Variants in ASIC2 observed in about 807,000 individuals in gnomAD.
The protein encoded by ASIC2 is acid sensing ion channel subunit 2.
ASIC2 carries 25 observed loss-of-function variants against 57.3 expected under a neutral mutation model. The ratio of observed to expected loss-of-function variants is 0.44; its 90% CI spans 0.32 to 0.61. ASIC2 has a LOEUF of 0.61. Ranked by LOEUF, ASIC2 falls within the 20% of genes least tolerant of loss-of-function variation. ASIC2 has a pLI of 0.06. For synonymous variants in ASIC2, 319 were observed against 307.5 expected, an observed-to-expected ratio of 1.04 and a Z score of -0.39; for missense variants, 641 against 738.1, an observed-to-expected ratio of 0.87 and a Z score of 1.52.
intron 1 of ASIC2, among the ~76,000 whole-genome samples, chr17:33,658,803 C>A (rs2142043160): frequency 6.6e-6 from 1 of 152,242 alleles, no homozygotes; most frequent in Middle Eastern, 3.4e-3. Context: ...TGAGACCAGC[C>A]TGGCCAACAC....
chr17:33,125,207 G>A lies in ASIC2; in HGVS notation c.709-13140C>T, dbSNP rs577696729. Among the ~76,000 whole-genome samples, 87 of 152,302 alleles carry A rather than the reference G, an allele frequency of 5.7e-4. No homozygotes were observed. The South Asian group carries it at 0.018, about 31-fold the overall frequency. ...CACAACTTGAGGGCTTGGGTAGAAG[G>A]GACTCATGAGTGACAGAGGCAGAGG... is the stretch of plus-strand genomic sequence containing the variant. On this transcript the variant is annotated intron_variant, in intron 1 of 9. Coordinates refer to ENST00000225823, the MANE Select transcript of ASIC2 (RefSeq NM_183377.2).
chr17:33,618,859 C>T (rs1426412169), intron 1 of ASIC2, among the ~76,000 whole-genome samples: 3 of 152,190 alleles, frequency 2.0e-5, no homozygotes, highest in Admixed American at 6.5e-5. Context: ...ACACCAGGCT[C>T]TCTCATGAGC....
At chr17:33,579,789 C>T (rs1024640190) in intron 1 of ASIC2, among the ~76,000 whole-genome samples, 3 of 152,054 alleles carry the variant, frequency 2.0e-5, no homozygotes, top group Non-Finnish European at 4.4e-5. Context: ...AACAAACTAC[C>T]ACACCGTGAA....
At chr17:33,915,519 C>T (rs1915564615) in intron 1 of ASIC2, among the ~76,000 whole-genome samples, 1 of 152,184 alleles carries the variant, frequency 6.6e-6, no homozygotes, top group Admixed American at 6.5e-5. Flanking sequence ...TTTAAGATGA[C>T]TTTTGCCCAT....
At chr17:33,969,539 A>G (rs113469026) in intron 1 of ASIC2, among the ~76,000 whole-genome samples, 3,834 of 152,296 alleles carry the variant, frequency 0.025, 125 homozygotes, top group African/African-American at 0.068. Flanking sequence ...AGAAAGGGGA[A>G]GGCAGGAAGC....
intron 1 of ASIC2, among the ~76,000 whole-genome samples, chr17:34,128,277 C>A (rs1893646613): frequency 6.6e-6 from 1 of 152,134 alleles, no homozygotes; most frequent in African/African-American, 2.4e-5. Context: ...CTCTGCCACA[C>A]CTTGTCCCTA....
At position 33,223,509 on chromosome 17, in the gene ASIC2, G is replaced by A. The variant is rs78171419; in HGVS notation, c.708+67899C>T. ...CCCTTTTCTAATGTATGTCCCTTAAGAGCAGATTAGTTATTTTTAAAGGAA... is the reference window on the plus strand; with the variant it reads ...CCCTTTTCTAATGTATGTCCCTTAAAAGCAGATTAGTTATTTTTAAAGGAA... On this transcript the variant is annotated intron_variant, in intron 1 of 9. Transcript: ENST00000225823. 2.5e-4 allele frequency among the ~76,000 whole-genome samples: 38 copies of A among 152,282 alleles called. 1 individual carries two copies. The East Asian group carries it at 7.3e-3, about 29-fold the overall frequency.
intron 1 of ASIC2, among the ~76,000 whole-genome samples, chr17:33,949,252 C>T (rs1354934109): frequency 6.6e-6 from 1 of 152,124 alleles, no homozygotes; most frequent in Non-Finnish European, 1.5e-5. Flanking sequence ...TTGGGAAAAT[C>T]TCTCCCATGG....
chr17:33,995,469 C>T (rs1906128068), intron 1 of ASIC2, among the ~76,000 whole-genome samples: 1 of 152,118 alleles, frequency 6.6e-6, no homozygotes, highest in Non-Finnish European at 1.5e-5. Flanking sequence ...ACTCTCTTTT[C>T]TCTGTGTATG....
At chr17:33,456,023 G>A (rs1419276233) in intron 1 of ASIC2, among the ~76,000 whole-genome samples, 1 of 152,158 alleles carries the variant, frequency 6.6e-6, no homozygotes, top group African/African-American at 2.4e-5. Context: ...AGCTGGATGA[G>A]GAACTCAGCC....
chr17:33,774,508 C>T (rs750410807), intron 1 of ASIC2, among the ~76,000 whole-genome samples: 14 of 152,190 alleles, frequency 9.2e-5, no homozygotes, highest in Non-Finnish European at 1.8e-4. Flanking sequence ...GGCTGCTCCA[C>T]CTCAGCCTGC....
intron 1 of ASIC2, among the ~76,000 whole-genome samples, chr17:33,851,177 C>T (rs1012562781): frequency 3.3e-5 from 5 of 152,138 alleles, no homozygotes; most frequent in East Asian, 1.9e-4. Flanking sequence ...TGCCTCCTGT[C>T]GGAAGGAACT....
At chr17:33,936,377 GGGGCCTCCAC>G (rs1203093271) in intron 1 of ASIC2, 7 of 152,170 alleles carry the variant, frequency 4.6e-5, no homozygotes, top group Admixed American at 4.6e-4. Context: ...GTCTCAGAAC[GGGGCCTCCAC>G]AGCCCAGGCG....
chr17:34,104,521 C>G (rs1197912138), intron 1 of ASIC2, among the ~76,000 whole-genome samples: 9 of 152,032 alleles, frequency 5.9e-5, no homozygotes, highest in South Asian at 2.1e-4. Context: ...ATTCAGCATT[C>G]TGGCCTTTTT....
intron 1 of ASIC2, among the ~76,000 whole-genome samples, chr17:33,932,934 G>T (rs934546314): frequency 4.6e-5 from 7 of 151,850 alleles, no homozygotes; most frequent in African/African-American, 1.7e-4. Flanking sequence ...GAGCAGGAAT[G>T]AGAAAGATCA....
chr17:33,990,360 T>A (rs981800549), intron 1 of ASIC2, among the ~76,000 whole-genome samples: 1 of 151,992 alleles, frequency 6.6e-6, no homozygotes, highest in Admixed American at 6.6e-5. Flanking sequence ...ATGCTAACTT[T>A]AAAAAAAAAT....
chr17:33,161,033 G>A (rs1180294072), intron 1 of ASIC2, among the ~76,000 whole-genome samples: 1 of 152,206 alleles, frequency 6.6e-6, no homozygotes, highest in Non-Finnish European at 1.5e-5. Context: ...CATTGAAGGG[G>A]TTTCCTAAAT....
chr17:33,911,018 C>T (rs950129167), intron 1 of ASIC2, among the ~76,000 whole-genome samples: 3 of 152,170 alleles, frequency 2.0e-5, no homozygotes, highest in Non-Finnish European at 4.4e-5. Context: ...TTGGCTTCCT[C>T]GGTTACAGCT....
chr17:33,264,087 G>A (rs531819415), intron 1 of ASIC2, among the ~76,000 whole-genome samples: 23 of 152,336 alleles, frequency 1.5e-4, no homozygotes, highest in South Asian at 4.1e-4. Flanking sequence ...CAACGTTATC[G>A]TGATGGTTGA....
Sources: gnomAD v4.1 joint callset for allele counts (sites outside exome capture counted in the v4.1 genomes callset) on GRCh38, gnomAD v4.1.1 for gene constraint, MANE v1.5 for transcripts, NCBI Gene and HGNC (gene_info 2026-07-23, HGNC 2026-07-21) for gene names.